PRKD1: variants seen among roughly 807,000 people sequenced by gnomAD.
The protein encoded by PRKD1 is protein kinase D1.
A neutral mutation model predicts 95.9 loss-of-function variants in PRKD1; 63 were observed. The ratio of observed to expected loss-of-function variants is 0.66; its 90% CI spans 0.54 to 0.81. The LOEUF is 0.81. Among genes scored for constraint, PRKD1 ranks in the 30% least tolerant of loss-of-function variants. The pLI is 0.00. For synonymous variants in PRKD1, 425 were observed against 423.1 expected (o/e 1.00, Z -0.05); for missense variants, 1,048 against 1,165.3 (o/e 0.90, Z 1.47).
chr14:29,669,795 G>A (rs1044253370), intron 2 of PRKD1, among the ~76,000 whole-genome samples: 2 of 152,160 alleles, frequency 1.3e-5, no homozygotes, highest in African/African-American at 4.8e-5. Flanking sequence ...TTGAACCTGG[G>A]AGGCAGAGGT....
chr14:29,923,033 C>T (rs184147495), intron 1 of PRKD1, among the ~76,000 whole-genome samples: 1,759 of 151,870 alleles, frequency 0.012, 16 homozygotes, highest in Non-Finnish European at 0.014. Flanking sequence ...GAGTTCCAGA[C>T]CAGCCTGGGC....
At chr14:29,711,446 A>G (rs1885330166) in intron 2 of PRKD1, among the ~76,000 whole-genome samples, 1 of 152,122 alleles carries the variant, frequency 6.6e-6, no homozygotes, top group Non-Finnish European at 1.5e-5. Flanking sequence ...AGTAAATAAG[A>G]CAGTGGAATA....
At chr14:29,666,521 A>G (rs1882520859) in intron 2 of PRKD1, among the ~76,000 whole-genome samples, 1 of 152,058 alleles carries the variant, frequency 6.6e-6, no homozygotes, top group Non-Finnish European at 1.5e-5. Flanking sequence ...CAAACACCTG[A>G]TGATACTTAA....
chr14:29,600,625 G>T (rs920481910), intron 13 of PRKD1, among the ~76,000 whole-genome samples: 1 of 152,136 alleles, frequency 6.6e-6, no homozygotes, highest in Admixed American at 6.5e-5. Flanking sequence ...GTTCTGCAGA[G>T]CCAAATGTGG....
At chr14:29,800,063 G>C (rs1889964774) in intron 1 of PRKD1, among the ~76,000 whole-genome samples, 1 of 152,068 alleles carries the variant, frequency 6.6e-6, no homozygotes, top group Admixed American at 6.5e-5. Flanking sequence ...CTCAGTTCAG[G>C]CATGGGTTTG....
intron 13 of PRKD1, among the ~76,000 whole-genome samples, chr14:29,612,922 C>A (rs1254125116): frequency 2.0e-5 from 3 of 152,022 alleles, no homozygotes; most frequent in Non-Finnish European, 4.4e-5. Flanking sequence ...CAAGGTGAAA[C>A]CCCGTCTCTA....
At chr14:29,896,919 G>A (rs1007389427) in intron 1 of PRKD1, among the ~76,000 whole-genome samples, 1 of 151,888 alleles carries the variant, frequency 6.6e-6, no homozygotes, top group African/African-American at 2.4e-5. Flanking sequence ...AATAATGTAA[G>A]TGCATGTTCT....
chr14:29,826,802 C>CAT (rs1453251417), intron 1 of PRKD1, among the ~76,000 whole-genome samples: 291 of 22,724 alleles, frequency 0.013, 38 homozygotes, highest in African/African-American at 0.018. Flanking sequence ...CATATATATA[C>CAT]ACATATATAT....
chr14:29,841,448 G>C (rs1891840752), intron 1 of PRKD1, among the ~76,000 whole-genome samples: 1 of 152,156 alleles, frequency 6.6e-6, no homozygotes, highest in Admixed American at 6.5e-5. Flanking sequence ...CCATTGGGGG[G>C]TTACTGAATC....
At chr14:29,917,850 A>G (rs781446803) in intron 1 of PRKD1, among the ~76,000 whole-genome samples, 7 of 152,180 alleles carry the variant, frequency 4.6e-5, no homozygotes, top group Non-Finnish European at 1.0e-4. Flanking sequence ...ACTTGGACTG[A>G]TGAAAAAAAT....
intron 1 of PRKD1, among the ~76,000 whole-genome samples, chr14:29,839,213 G>C (rs1234098330): frequency 1.3e-5 from 2 of 152,096 alleles, no homozygotes; most frequent in Non-Finnish European, 2.9e-5. Context: ...AATTAAAGTT[G>C]ACTAAATTTT....
At chr14:29,909,135 C>T (rs1166671460) in intron 1 of PRKD1, among the ~76,000 whole-genome samples, 2 of 152,200 alleles carry the variant, frequency 1.3e-5, no homozygotes, top group Non-Finnish European at 2.9e-5. Flanking sequence ...GGGCTTAGCA[C>T]CTGGGCCAGC....
At chr14:29,879,389 C>T (rs1036386608) in intron 1 of PRKD1, among the ~76,000 whole-genome samples, 2 of 152,176 alleles carry the variant, frequency 1.3e-5, no homozygotes, top group Non-Finnish European at 2.9e-5. Context: ...TCAGGGGCTT[C>T]CACGTTTGCT....
intron 1 of PRKD1, among the ~76,000 whole-genome samples, chr14:29,741,291 G>A (rs541440180): frequency 1.2e-4 from 19 of 152,112 alleles, no homozygotes; most frequent in East Asian, 3.9e-4. Flanking sequence ...AAAGTTCACC[G>A]TGAATATTAT....
intron 16 of PRKD1, chr14:29,591,264 A>T (rs2138987290): frequency 6.6e-6 from 1 of 152,304 alleles, no homozygotes; most frequent in South Asian, 2.1e-4. Context: ...TAACATGAAC[A>T]AGTTACATGT....
At chr14:29,894,548 C>T (rs1366663047) in intron 1 of PRKD1, among the ~76,000 whole-genome samples, 2 of 152,192 alleles carry the variant, frequency 1.3e-5, no homozygotes, top group Non-Finnish European at 2.9e-5. Flanking sequence ...ATGAGACCTA[C>T]ATTTGTACAA....
Position 29,755,290 on chromosome 14 carries a change from T to C in PRKD1, c.265-29616A>G, listed in dbSNP as rs528125319. On this transcript the variant is annotated intron_variant, in intron 1 of 17. Transcript: ENST00000331968. ...TTTAAAAGTGTTTTCCCATATCTACTACTTTTTTCTTGTTTCATAGCTTTA... is the reference window on the plus strand; with the variant it reads ...TTTAAAAGTGTTTTCCCATATCTACCACTTTTTTCTTGTTTCATAGCTTTA... Among the ~76,000 whole-genome samples the C allele has an allele frequency of 1.9e-3, 287 of 152,286 alleles. 1 individual carries two copies. The highest frequency in any genetic ancestry group is 6.3e-3 in the African/African-American group (263 of 41,576).
chr14:29,658,735 C>T (rs1326519164), intron 4 of PRKD1, among the ~76,000 whole-genome samples: 1 of 152,186 alleles, frequency 6.6e-6, no homozygotes, highest in South Asian at 2.1e-4. Context: ...GATGAAACTA[C>T]TGCAGGTGAC....
chr14:29,731,429 A>G (rs1886428285), intron 1 of PRKD1, among the ~76,000 whole-genome samples: 1 of 152,168 alleles, frequency 6.6e-6, no homozygotes, highest in Non-Finnish European at 1.5e-5. Context: ...TTGGGTGGCA[A>G]GTTCTATAAA....
Sources: gnomAD v4.1 joint callset for allele counts (sites outside exome capture counted in the v4.1 genomes callset) on GRCh38, gnomAD v4.1.1 for gene constraint, MANE v1.5 for transcripts, NCBI Gene and HGNC (gene_info 2026-07-23, HGNC 2026-07-21) for gene names.